Variants in RLBP1 observed in about 807,000 individuals in gnomAD.
RLBP1 encodes the protein retinaldehyde binding protein 1.
A neutral mutation model predicts 36.2 loss-of-function variants in RLBP1; 26 were observed. The ratio of observed to expected loss-of-function variants is 0.72; its 90% confidence interval spans 0.53 to 1.00. The LOEUF (loss-of-function observed/expected upper bound fraction) is 1.00, where lower values mean the gene tolerates loss of function less well. Among genes scored for constraint, RLBP1 ranks in the 50% least tolerant of loss-of-function variants. The probability of loss-of-function intolerance (pLI) is 0.00; values close to 1 mark genes in which losing one functional copy is unlikely to be tolerated. For synonymous variants in RLBP1, 155 were observed against 156.2 expected (o/e 0.99, Z 0.06); for missense variants, 410 against 402.4 (o/e 1.02, Z -0.16).
Position 89,217,228 on chromosome 15 carries a change from G to GCTC in RLBP1, c.235_237dup (p.Glu79dup). 2 of 1,612,842 alleles carry GCTC rather than the reference G, an allele frequency of 1.2e-6. No individual in the cohort carries two copies. Among genetic ancestry groups the GCTC allele is most frequent in the Non-Finnish European group, 1.7e-6 (2 of 1,180,028 alleles). On this transcript the variant is annotated inframe_insertion, in exon 5 of 9. Coordinates refer to ENST00000268125, the MANE Select transcript of RLBP1 (RefSeq NM_000326.5). ...ACCCTCTCCGCCACGGCCACCGCCA[G>GCTC]CTCCTCCCCCGAGGCCGCCTGCGCC...
At position 89,218,935 on chromosome 15, in the gene RLBP1, A is replaced by T; in HGVS notation, c.12+29T>A. ...GAGAGAAGAGAGGGAAGGTGGGTGG[A>T]GGAGAGCCCTGGAGGACAGGGTACT... is the stretch of plus-strand genomic sequence containing the variant. On this transcript the variant is annotated intron_variant, in intron 3 of 8. Transcript: ENST00000268125. The surrounding 1 kb of genome is among the most constrained non-coding windows in gnomAD (Gnocchi z 4.6). 1 of 1,612,424 alleles carries T rather than the reference A, an allele frequency of 6.2e-7. No individual in the cohort carries two copies. Among genetic ancestry groups the T allele is most frequent in the Non-Finnish European group, 8.5e-7 (1 of 1,178,692 alleles).
At chr15:89,212,310 G>A (rs1420824225) in intron 6 of RLBP1, among the ~76,000 whole-genome samples, 5 of 152,110 alleles carry the variant, frequency 3.3e-5, no homozygotes, top group African/African-American at 4.8e-5. Context: ...GGCTGGGTGC[G>A]GTGGCTCACG....
rs1240607421 is a variant in RLBP1 at position 89,217,113 on chromosome 15, G to A, written c.346+7C>T. 6.3e-7 allele frequency: 1 copy of A among 1,576,790 alleles called. No individual in the cohort carries two copies. Among genetic ancestry groups the A allele is most frequent in the Admixed American group, 1.7e-5 (1 of 59,514 alleles). On this transcript the variant is annotated splice_region_variant and intron_variant, in intron 5 of 8. Coordinates refer to ENST00000268125, the MANE Select transcript of RLBP1 (RefSeq NM_000326.5). ...CCCAGGGCCGTCCCTCCAAGCACTG[G>A]CCTCACCTCTGAGCAGCTCATAGGC...
intron 5 of RLBP1, among the ~76,000 whole-genome samples, chr15:89,216,200 A>T (rs993823916): frequency 6.6e-6 from 1 of 152,060 alleles, no homozygotes; most frequent in Non-Finnish European, 1.5e-5. Context: ...CTGAATTACC[A>T]TTTGGAGAAG....
chr15:89,215,407 T>A (rs902557343), intron 5 of RLBP1, among the ~76,000 whole-genome samples, 169 bp from the exon 6 acceptor site: 2 of 152,182 alleles, frequency 1.3e-5, no homozygotes, highest in Non-Finnish European at 2.9e-5. Flanking sequence ...GGGATCTCGA[T>A]ATTGACCTAT....
At position 89,209,890 on chromosome 15, in the gene RLBP1, T is replaced by C. The variant is rs909701537; in HGVS notation, c.*395A>G. 3.4e-6 allele frequency: 1 copy of C among 293,380 alleles called. No individual in the cohort carries two copies. Among genetic ancestry groups the C allele is most frequent in the Non-Finnish European group, 6.6e-6 (1 of 151,518 alleles). The allele number at this position is 293,380 out of a possible 1,614,324, so 18.2% of individuals were successfully genotyped here. ...TATATCCTCTCTCTTTTATCTTCTT[T>C]TATTGCATTTTGGGGGCGAATAGGG... On this transcript the variant is annotated 3_prime_UTR_variant, in exon 9 of 9. Coordinates refer to ENST00000268125, the MANE Select transcript of RLBP1 (RefSeq NM_000326.5).
chr15:89,214,481 A>G lies in RLBP1; in HGVS notation c.525+579T>C, dbSNP rs1228399293. ...CATCTCAAAAATAAATAAATAAAAT[A>G]AAATAAGTTTGTAGCAGTTTTTTTT... On this transcript the variant is annotated intron_variant, in intron 6 of 8. Transcript: ENST00000268125. The surrounding 1 kb of genome is among the most constrained non-coding windows in gnomAD (Gnocchi z 4.6). 6.7e-6 allele frequency among the ~76,000 whole-genome samples: 1 copy of G among 149,454 alleles called. No homozygotes were observed.
rs2051529316 is a variant in RLBP1, at chr15:89,210,596, G to T, written c.795+103C>A. 1 of 1,228,350 alleles carries T rather than the reference G, an allele frequency of 8.1e-7. No homozygotes were observed. Among genetic ancestry groups the T allele is most frequent in the Non-Finnish European group, 1.2e-6 (1 of 849,054 alleles). The allele number at this position is 1,228,350 out of a possible 1,614,324, so 76.1% of individuals were successfully genotyped here. A position where few individuals can be genotyped will look rare whatever the true frequency, so the allele number is the denominator to read the frequency against. On this transcript the variant is annotated intron_variant, in intron 8 of 8. Coordinates refer to ENST00000268125, the MANE Select transcript of RLBP1 (RefSeq NM_000326.5). The surrounding 1 kb of genome is among the most constrained non-coding windows in gnomAD (Gnocchi z 4.7). ...GCAGGTCTCCATGTTGGGTGTCAGTGGGATCCACATAGCTCAGGACCATGG... is the reference window on the plus strand; with the variant it reads ...GCAGGTCTCCATGTTGGGTGTCAGTTGGATCCACATAGCTCAGGACCATGG...
intron 5 of RLBP1, among the ~76,000 whole-genome samples, chr15:89,215,732 A>G (rs2051574824): frequency 6.6e-6 from 1 of 152,030 alleles, no homozygotes; most frequent in Non-Finnish European, 1.5e-5. Flanking sequence ...ATCCTTACCC[A>G]TCCTGAGCAG....
Position 89,211,807 on chromosome 15 carries a change from A to G in RLBP1, c.620T>C (p.Phe207Ser). 6.2e-7 allele frequency: 1 copy of G among 1,614,210 alleles called. No individual in the cohort carries two copies. Among genetic ancestry groups the G allele is most frequent in the Non-Finnish European group, 8.5e-7 (1 of 1,180,030 alleles). ...GAGACTAGCAGCCTGCTGCATGGTA[A>G]AGCCCTTGAAGTTCTCAATGATGCA... ...GFCIIENFKG[F>S]TMQQAASLRT... The change falls in exon 7 of 9, where the codon TTT becomes TCT. Residue 207 changes from phenylalanine to serine, a missense_variant. Coordinates refer to ENST00000268125, the MANE Select transcript of RLBP1 (RefSeq NM_000326.5). This position sits in a 1 kb window ranked among gnomAD's most constrained non-coding sequence, Gnocchi z 5.8.
chr15:89,210,330 C>T lies in RLBP1; in HGVS notation c.909G>A (p.Glu303=), dbSNP rs1219708248. The part of the protein sequence containing the change: ...LPKYDGKAVA[E]QLFGPQAQAE... ...CTTGGGCCTGGGGGCCAAAGAGCTG[C>T]TCAGCAACGGCCTTGCCATCATACT... The change falls in exon 9 of 9, where the codon GAG becomes GAA. Residue 303 remains glutamate, a synonymous_variant. Coordinates refer to ENST00000268125, the MANE Select transcript of RLBP1 (RefSeq NM_000326.5). This position sits in a 1 kb window ranked among gnomAD's most constrained non-coding sequence, Gnocchi z 4.7. 1 of 1,614,122 alleles carries T rather than the reference C, an allele frequency of 6.2e-7. No individual in the cohort carries two copies.
Position 89,218,815 on chromosome 15 carries a change from TG to T in RLBP1, c.13-123del. On this transcript the variant is annotated intron_variant, in intron 3 of 8. Coordinates refer to ENST00000268125, the MANE Select transcript of RLBP1 (RefSeq NM_000326.5). The surrounding 1 kb of genome is among the most constrained non-coding windows in gnomAD (Gnocchi z 4.6). ...GTCATTGTTAAGCCTCCTCCTTTTG[TG>T]GGGTCAGGACCCACACAGGGGTTAT... The T allele has an allele frequency of 6.4e-7, 1 of 1,550,392 alleles. No individual in the cohort carries two copies. The highest frequency in any genetic ancestry group is 8.8e-7 in the Non-Finnish European group (1 of 1,133,080).
rs1182930420 is a variant in RLBP1, at chr15:89,211,197, T to A, written c.685-388A>T. On this transcript the variant is annotated intron_variant, in intron 7 of 8. Transcript: ENST00000268125. This position sits in a 1 kb window ranked among gnomAD's most constrained non-coding sequence, Gnocchi z 5.8. ...CAGTATTATCATCCCTCATTGTCCA[T>A]CAGCCCCTCCCACAACCTCCACCTC... Among the ~76,000 whole-genome samples the A allele has an allele frequency of 6.6e-6, 1 of 152,154 alleles. No individual in the cohort carries two copies. The highest frequency in any genetic ancestry group is 1.5e-5 in the Non-Finnish European group (1 of 68,028).
At position 89,214,110 on chromosome 15, in the gene RLBP1, T is replaced by C. The variant is rs1488851655; in HGVS notation, c.525+950A>G. ...ATGATAAAGATGGCATTTCAAGTCA[T>C]TGAAAAAAGATGGACTTTTTAATAA... On this transcript the variant is annotated intron_variant, in intron 6 of 8. Transcript: ENST00000268125. The surrounding 1 kb of genome is among the most constrained non-coding windows in gnomAD (Gnocchi z 4.6). 1.3e-5 allele frequency among the ~76,000 whole-genome samples: 2 copies of C among 152,174 alleles called. No individual in the cohort carries two copies. The highest frequency in any genetic ancestry group is 1.9e-4 in the East Asian group (1 of 5,204).
In RLBP1 at chr15:89,218,664, C is replaced by A. The variant is rs1041040938; in HGVS notation, c.42G>T (p.Glu14Asp). 6.2e-7 allele frequency: 1 copy of A among 1,614,130 alleles called. No homozygotes were observed. The highest frequency in any genetic ancestry group is 2.2e-5 in the East Asian group (1 of 44,900). Residue 14 changes from glutamate (E) to aspartate (D), a missense_variant, in exon 4 of 9, where the codon GAG becomes GAT. Coordinates refer to ENST00000268125, the MANE Select transcript of RLBP1 (RefSeq NM_000326.5). This position sits in a 1 kb window ranked among gnomAD's most constrained non-coding sequence, Gnocchi z 4.6. The part of the protein sequence containing the change: ...GVGTFRMVPE[E>D]EQELRAQLEQ... ...CCAGTTGGGCACGGAGCTCCTGTTC[C>A]TCTTCAGGTACCATGCGGAACGTGC...
chr15:89,210,635 G>T lies in RLBP1; in HGVS notation c.795+64C>A. 7.6e-7 allele frequency: 1 copy of T among 1,309,938 alleles called. No homozygotes were observed. The highest frequency in any genetic ancestry group is 1.1e-6 in the Non-Finnish European group (1 of 924,674). The allele number at this position is 1,309,938 out of a possible 1,614,324, so 81.1% of individuals were successfully genotyped here. A position where few individuals can be genotyped will look rare whatever the true frequency, so the allele number is the denominator to read the frequency against. On this transcript the variant is annotated intron_variant, in intron 8 of 8. Transcript: ENST00000268125. The surrounding 1 kb of genome is among the most constrained non-coding windows in gnomAD (Gnocchi z 4.7). ...TCAGGACCATGGTAGAGTGTGAGGA[G>T]GGCTCAGGTGAGGCCCCACCCTCAG...
intron 4 of RLBP1, among the ~76,000 whole-genome samples, chr15:89,217,955 G>A (rs2051595809): frequency 6.6e-6 from 1 of 152,164 alleles, no homozygotes; most frequent in Non-Finnish European, 1.5e-5. Context: ...GAAAGGAGGG[G>A]GAGTAAAGTG....
intron 5 of RLBP1, 61 bp downstream of exon 5, chr15:89,217,058 GC>G (rs2051585987): frequency 3.2e-6 from 5 of 1,545,644 alleles, no homozygotes; most frequent in Non-Finnish European, 3.6e-6. Flanking sequence ...CAGGATGAGA[GC>G]GGATAGCATC....
At position 89,214,376 on chromosome 15, in the gene RLBP1, G is replaced by A. The variant is rs545853683; in HGVS notation, c.525+684C>T. On this transcript the variant is annotated intron_variant, in intron 6 of 8. Coordinates refer to ENST00000268125, the MANE Select transcript of RLBP1 (RefSeq NM_000326.5). This position sits in a 1 kb window ranked among gnomAD's most constrained non-coding sequence, Gnocchi z 4.6. ...CTTGGAAGGCTGAGGCTTGAGGATC[G>A]CTCGAACCCAGGAGGCGGAGGTTGC... 8.5e-5 allele frequency among the ~76,000 whole-genome samples: 13 copies of A among 152,306 alleles called. No homozygotes were observed. The highest frequency in any genetic ancestry group is 2.6e-4 in the Admixed American group (4 of 15,294).
Sources: allele counts gnomAD v4.1 joint callset (sites outside exome capture counted in the v4.1 genomes callset), GRCh38; gene constraint gnomAD v4.1.1; non-coding constraint Gnocchi (gnomAD v3.1); transcripts MANE v1.5; gene names NCBI Gene and HGNC (gene_info 2026-07-23, HGNC 2026-07-21).